The following CIB4 variants were observed in gnomAD, a reference collection of about 807,000 sequenced individuals.
The protein encoded by CIB4 is calcium and integrin-binding family member 4.
CIB4 carries 25 observed loss-of-function variants against 25.8 expected under a neutral mutation model. The observed-to-expected ratio is 0.97, with a 90% confidence interval of 0.71 to 1.35. CIB4 has a LOEUF of 1.35. Among genes scored for constraint, CIB4 ranks in the 40% most tolerant of loss-of-function variants. The pLI is 0.00. For synonymous variants in CIB4, 75 were observed against 81.4 expected (o/e 0.92, Z 0.42); for missense variants, 235 against 228.2 (o/e 1.03, Z -0.19).
At chr2:26,633,220 A>G (rs1433064392) in intron 2 of CIB4, among the ~76,000 whole-genome samples, 2 of 152,004 alleles carry the variant, frequency 1.3e-5, no homozygotes, top group Non-Finnish European at 2.9e-5. Flanking sequence ...CAGAAAAGAA[A>G]CTCACCAGCC....
At chr2:26,582,380 G>C (rs553054443) in intron 6 of CIB4, among the ~76,000 whole-genome samples, 1 of 152,312 alleles carries the variant, frequency 6.6e-6, no homozygotes, top group African/African-American at 2.4e-5. Flanking sequence ...GACCCTTTGG[G>C]CCCCTCCTGC....
intron 3 of CIB4, among the ~76,000 whole-genome samples, chr2:26,611,180 C>T (rs986055152): frequency 1.3e-5 from 2 of 152,242 alleles, no homozygotes; most frequent in African/African-American, 2.4e-5. Flanking sequence ...GTGGAGGAGA[C>T]TTGGGGCTAG....
chr2:26,597,340 G>T (rs1055387801), intron 3 of CIB4, among the ~76,000 whole-genome samples: 1 of 151,962 alleles, frequency 6.6e-6, no homozygotes, highest in African/African-American at 2.4e-5. Context: ...CTTTTAATTG[G>T]TGAATGGGGT....
chr2:26,588,986 T>TCTTCTC, intron 4 of CIB4, among the ~76,000 whole-genome samples: 26 of 4,412 alleles, frequency 5.9e-3, no homozygotes, highest in African/African-American at 0.012. Flanking sequence ...TCTTTCTTCT[T>TCTTCTC]CTTCTTCTTC....
At chr2:26,620,483 CG>C (rs1445259211) in intron 3 of CIB4, among the ~76,000 whole-genome samples, 2 of 152,102 alleles carry the variant, frequency 1.3e-5, no homozygotes, top group African/African-American at 4.8e-5. Flanking sequence ...GCTTTCTCCA[CG>C]GGGGACGTCA....
intron 4 of CIB4, among the ~76,000 whole-genome samples, chr2:26,593,706 T>G (rs923784019): frequency 6.6e-6 from 1 of 152,214 alleles, no homozygotes; most frequent in Admixed American, 6.5e-5. Context: ...CAAAGATTGC[T>G]GAATTTTTGG....
In CIB4 at chr2:26,623,236, G is replaced by A. The variant is rs573200453; in HGVS notation, c.186+6174C>T. On this transcript the variant is annotated intron_variant, in intron 3 of 6. Coordinates refer to ENST00000288861, the MANE Select transcript of CIB4 (RefSeq NM_001029881.3). ...TACATGCCTGTGGTTCCAGCTACTCGGGAGGCTGAGGCAGGAGGATCGCTT... is the reference window on the plus strand; with the variant it reads ...TACATGCCTGTGGTTCCAGCTACTCAGGAGGCTGAGGCAGGAGGATCGCTT... Among the ~76,000 whole-genome samples, 566 of 151,874 alleles carry A rather than the reference G, an allele frequency of 3.7e-3. 4 individuals carry two copies. The highest frequency in any genetic ancestry group is 0.031 in the Middle Eastern group (9 of 292).
Position 26,595,897 on chromosome 2 carries a change from GCACACACACACA to G in CIB4, c.187-592_187-581del, listed in dbSNP as rs61283412. On this transcript the variant is annotated intron_variant, in intron 3 of 6. Transcript: ENST00000288861. Reference sequence around the variant, plus strand: ...TCCATGTCACATGACTTATCTGCGCGCACACACACACACACACACACACACACACACAAACCA... The same window carrying G: ...TCCATGTCACATGACTTATCTGCGCGCACACACACACACACACACAAACCA... Among the ~76,000 whole-genome samples the G allele has an allele frequency of 9.0e-3, 289 of 32,140 alleles. 1 individual carries two copies. The East Asian group carries it at 0.42, about 46-fold the overall frequency. 21.1% of individuals were successfully genotyped at this position (32,140 alleles called of 152,430 possible). A position where few individuals can be genotyped will look rare whatever the true frequency, so the allele number is the denominator to read the frequency against.
At chr2:26,615,562 G>T (rs1353159972) in intron 3 of CIB4, among the ~76,000 whole-genome samples, 1 of 136,336 alleles carries the variant, frequency 7.3e-6, no homozygotes, top group African/African-American at 2.9e-5. Context: ...AGATGGGAAA[G>T]CTAAAACTAG....
At chr2:26,625,711 T>C (rs1669291504) in intron 3 of CIB4, among the ~76,000 whole-genome samples, 1 of 152,260 alleles carries the variant, frequency 6.6e-6, no homozygotes, top group Admixed American at 6.5e-5. Context: ...GACAGTTTTG[T>C]TTGCTGTGCA....
At position 26,600,233 on chromosome 2, in the gene CIB4, GTC is replaced by G. The variant is rs1023434624; in HGVS notation, c.187-4918_187-4917del. ...CAGACTGGTCAATGTGGCGAAACCCGTCTCTACTAAAAAATACAAAAATTAGC... is the reference window on the plus strand; with the variant it reads ...CAGACTGGTCAATGTGGCGAAACCCGTCTACTAAAAAATACAAAAATTAGC... On this transcript the variant is annotated intron_variant, in intron 3 of 6. Coordinates refer to ENST00000288861, the MANE Select transcript of CIB4 (RefSeq NM_001029881.3). Among the ~76,000 whole-genome samples the G allele has an allele frequency of 2.0e-5, 3 of 146,558 alleles. 1 individual carries two copies. Among genetic ancestry groups the G allele is most frequent in the African/African-American group, 7.9e-5 (3 of 38,198 alleles).
chr2:26,609,867 AC>A (rs1450334409), intron 3 of CIB4, among the ~76,000 whole-genome samples: 1 of 152,122 alleles, frequency 6.6e-6, no homozygotes, highest in Admixed American at 6.5e-5. Flanking sequence ...CAATATGAAA[AC>A]CCTTTAAAAC....
intron 2 of CIB4, 89 bp downstream of exon 2, chr2:26,640,444 C>T: frequency 7.1e-7 from 1 of 1,407,164 alleles, no homozygotes; most frequent in African/African-American, 1.4e-5. Context: ...GGACCACACT[C>T]AGGGACCAGC....
At chr2:26,611,137 C>T (rs559151467) in intron 3 of CIB4, among the ~76,000 whole-genome samples, 9 of 152,342 alleles carry the variant, frequency 5.9e-5, no homozygotes, top group East Asian at 1.9e-4. Context: ...GCATCTCTCC[C>T]TCCAGGATGG....
intron 3 of CIB4, among the ~76,000 whole-genome samples, chr2:26,601,570 G>C (rs1188704716): frequency 1.3e-5 from 2 of 151,070 alleles, no homozygotes; most frequent in Non-Finnish European, 2.9e-5. Flanking sequence ...TAAAACATTA[G>C]GTAACTATCA....
intron 2 of CIB4, among the ~76,000 whole-genome samples, chr2:26,639,658 G>C (rs998246983): frequency 6.6e-6 from 1 of 152,098 alleles, no homozygotes; most frequent in African/African-American, 2.4e-5. Context: ...CCCCTGGTTA[G>C]CTCCCCGTGC....
At chr2:26,609,545 G>T (rs1045583556) in intron 3 of CIB4, among the ~76,000 whole-genome samples, 1 of 152,130 alleles carries the variant, frequency 6.6e-6, no homozygotes, top group East Asian at 1.9e-4. Flanking sequence ...GGGAACAGAA[G>T]GAAGATGTAG....
rs534399458 is a variant in CIB4 at position 26,616,655 on chromosome 2, C to T, written c.186+12755G>A. ...CACCCAAGACAGACACTCCACAGGG[C>T]GTCCCAGATGTGTATGAGAAAAGCT... On this transcript the variant is annotated intron_variant, in intron 3 of 6. Transcript: ENST00000288861. Among the ~76,000 whole-genome samples the T allele has an allele frequency of 1.8e-3, 272 of 152,296 alleles. 1 individual carries two copies. The highest frequency in any genetic ancestry group is 6.2e-3 in the African/African-American group (257 of 41,560).
At chr2:26,611,882 A>G (rs1572557986) in intron 3 of CIB4, among the ~76,000 whole-genome samples, 1 of 152,348 alleles carries the variant, frequency 6.6e-6, no homozygotes. Context: ...AATTGTATCT[A>G]TGTATGTCTA....
Sources: gnomAD v4.1 joint callset for allele counts (sites outside exome capture counted in the v4.1 genomes callset) on GRCh38, gnomAD v4.1.1 for gene constraint, MANE v1.5 for transcripts, NCBI Gene and HGNC (gene_info 2026-07-23, HGNC 2026-07-21) for gene names.